Variants in COL21A1 observed in about 807,000 individuals in gnomAD.
The protein encoded by COL21A1 is collagen alpha-1(XXI) chain.
COL21A1 carries 149 observed loss-of-function variants against 137.9 expected under a neutral mutation model. The ratio of observed to expected loss-of-function variants is 1.08; its 90% CI spans 0.95 to 1.24. The LOEUF is 1.24. COL21A1 is among the 50% of genes most tolerant of loss of function. The pLI is 0.00. For missense variants in COL21A1, 1,167 were observed against 1,158.4 expected (o/e 1.01, Z -0.11); for synonymous variants, 456 against 391.5 (o/e 1.16, Z -1.95).
chr6:56,166,920 C>G lies in COL21A1; in HGVS notation c.1264G>C (p.Glu422Gln). 1 of 1,612,472 alleles carries G rather than the reference C, an allele frequency of 6.2e-7. No homozygotes were observed. Among genetic ancestry groups the G allele is most frequent in the Non-Finnish European group, 8.5e-7 (1 of 1,179,248 alleles). Reference protein sequence around the residue: ...PEQNNRETACEIPGFNGECLN... With the variant: ...PEQNNRETACQIPGFNGECLN... ...CTCCTACTTACAAATCCAGGAATCT[C>G]ACATGCTGTCTCCCGGTTGTTCTGT... The change falls in exon 7 of 30, where the codon GAG (glutamate) becomes CAG (glutamine). Residue 422 changes from glutamate (E) to glutamine (Q), a missense_variant. Physicochemically the swap from Glu to Gln is conservative, Grantham distance 29. Transcript: ENST00000244728.
chr6:56,147,245 C>T (rs1774902337), intron 10 of COL21A1, among the ~76,000 whole-genome samples: 1 of 152,036 alleles, frequency 6.6e-6, no homozygotes, highest in Non-Finnish European at 1.5e-5. Flanking sequence ...CTCTTGCTGT[C>T]CTGCTACATT....
chr6:56,290,498 G>GTTTTTTTTTTTTTTTTTTTTT (rs371058894), intron 1 of COL21A1, among the ~76,000 whole-genome samples: 1 of 132,960 alleles, frequency 7.5e-6, no homozygotes. Flanking sequence ...TCACTTAGGA[G>GTTTTTTTTTTTTTTTTTTTTT]ATTTTTTTTT....
At chr6:56,301,797 T>C (rs938049352) in intron 1 of COL21A1, among the ~76,000 whole-genome samples, 1 of 152,128 alleles carries the variant, frequency 6.6e-6, no homozygotes, top group Admixed American at 6.5e-5. Context: ...GCCATGCTGG[T>C]GTGCTGCACC....
At chr6:56,066,235 G>A (rs1029464828) in intron 23 of COL21A1, among the ~76,000 whole-genome samples, 7 of 151,772 alleles carry the variant, frequency 4.6e-5, no homozygotes, top group African/African-American at 1.7e-4. Context: ...GAAGATTTTC[G>A]ATAAAAATTG....
chr6:56,270,388 C>T (rs1925187), intron 1 of COL21A1, among the ~76,000 whole-genome samples: 39,538 of 152,144 alleles, frequency 0.26, 6,408 homozygotes, highest in East Asian at 0.67. Context: ...TATACATGCA[C>T]CTGACATCGG....
chr6:56,264,980 G>C (rs1378443643), intron 1 of COL21A1, among the ~76,000 whole-genome samples: 1 of 152,138 alleles, frequency 6.6e-6, no homozygotes, highest in East Asian at 1.9e-4. Flanking sequence ...CCAAACAATT[G>C]TGAAAAAGAC....
intron 16 of COL21A1, among the ~76,000 whole-genome samples, chr6:56,123,534 A>G (rs1772734576): frequency 1.3e-5 from 2 of 152,176 alleles, no homozygotes; most frequent in South Asian, 4.1e-4. Flanking sequence ...GATGGCTTAT[A>G]CAAATCTTCT....
At chr6:56,189,655 GAC>G (rs1778530209) in intron 1 of COL21A1, among the ~76,000 whole-genome samples, 1 of 152,060 alleles carries the variant, frequency 6.6e-6, no homozygotes, top group Admixed American at 6.5e-5. Context: ...GCAACCCCAA[GAC>G]ACATAATCGT....
chr6:56,279,480 G>T (rs1457316875), intron 1 of COL21A1, among the ~76,000 whole-genome samples: 1 of 152,174 alleles, frequency 6.6e-6, no homozygotes, highest in Non-Finnish European at 1.5e-5. Flanking sequence ...AACAGCAGGG[G>T]CCAGAATGTC....
intron 1 of COL21A1, among the ~76,000 whole-genome samples, chr6:56,204,588 C>G (rs2152300759): frequency 6.6e-6 from 1 of 152,282 alleles, no homozygotes; most frequent in Middle Eastern, 3.4e-3. Flanking sequence ...CTTGACAGCT[C>G]TGAAGACAGC....
At chr6:56,285,038 GCA>G (rs1763872720) in intron 1 of COL21A1, among the ~76,000 whole-genome samples, 1 of 152,100 alleles carries the variant, frequency 6.6e-6, no homozygotes, top group Non-Finnish European at 1.5e-5. Context: ...TTCCCTCCCT[GCA>G]CTCTATTGAT....
intron 2 of COL21A1, among the ~76,000 whole-genome samples, chr6:56,181,711 G>C (rs1777906910): frequency 1.3e-5 from 2 of 152,080 alleles, no homozygotes; most frequent in Non-Finnish European, 2.9e-5. Flanking sequence ...AGAGATGAAT[G>C]ACATCATAGA....
chr6:56,190,292 A>G (rs1398529681), intron 1 of COL21A1, among the ~76,000 whole-genome samples: 1 of 152,246 alleles, frequency 6.6e-6, no homozygotes, highest in African/African-American at 2.4e-5. Context: ...ACAAACTACC[A>G]TCAGAGACTA....
intron 1 of COL21A1, among the ~76,000 whole-genome samples, chr6:56,311,839 C>T (rs1360370116): frequency 6.6e-6 from 1 of 152,116 alleles, no homozygotes; most frequent in Non-Finnish European, 1.5e-5. Flanking sequence ...GAGGGATGTT[C>T]AAGACTCTAT....
At chr6:56,374,993 A>T (rs989333806) in intron 1 of COL21A1, among the ~76,000 whole-genome samples, 6 of 152,184 alleles carry the variant, frequency 3.9e-5, no homozygotes, top group Non-Finnish European at 7.3e-5. Flanking sequence ...ATCTAGTGTC[A>T]CTGTCCCAGA....
chr6:56,328,588 G>T (rs1199361069), intron 1 of COL21A1, among the ~76,000 whole-genome samples: 2 of 152,060 alleles, frequency 1.3e-5, no homozygotes, highest in African/African-American at 4.8e-5. Context: ...GTCCAGGAAA[G>T]ACCTGAATAA....
chr6:56,060,985 T>A lies in COL21A1; in HGVS notation c.2258A>T (p.Glu753Val), dbSNP rs76146749. ...GVRGAIGSKG[E>V]SGVDGLMGPA... ...CCCCATCAAGCCATCCACCCCAGAT[T>A]CTCCTTTTGATCCAATGGCACCTCG... The change falls in exon 26 of 30, where the codon GAA becomes GTA. Residue 753 changes from glutamate to valine, a missense_variant. Glu to Val is a moderately radical substitution (Grantham distance 121). Coordinates refer to ENST00000244728, the MANE Select transcript of COL21A1 (RefSeq NM_030820.4). The A allele has an allele frequency of 2.5e-3, 4,088 of 1,609,394 alleles. 90 individuals carry two copies. The African/African-American group carries it at 0.046, about 18-fold the overall frequency.
intron 1 of COL21A1, among the ~76,000 whole-genome samples, chr6:56,243,441 C>T (rs907666447): frequency 1.3e-5 from 2 of 151,988 alleles, no homozygotes; most frequent in Non-Finnish European, 2.9e-5. Flanking sequence ...ACAAATTATC[C>T]CATTAAATAA....
At chr6:56,385,407 T>G (rs1400650565) in intron 1 of COL21A1, among the ~76,000 whole-genome samples, 1 of 152,146 alleles carries the variant, frequency 6.6e-6, no homozygotes, top group African/African-American at 2.4e-5. Flanking sequence ...TTTTCTTGCC[T>G]TTTCCAGCTT....
Sources: allele counts gnomAD v4.1 joint callset (sites outside exome capture counted in the v4.1 genomes callset), GRCh38; gene constraint gnomAD v4.1.1; transcripts MANE v1.5; gene names NCBI Gene and HGNC (gene_info 2026-07-23, HGNC 2026-07-21).